AGBL2: variants seen among roughly 807,000 people sequenced by gnomAD.
AGBL2 encodes the protein cytosolic carboxypeptidase 2.
Under a neutral mutation model 103.0 loss-of-function variants are expected in AGBL2, and 87 were observed. The observed-to-expected ratio is 0.84, with a 90% CI of 0.71 to 1.01. The LOEUF is 1.01. AGBL2 is among the 50% of genes least tolerant of loss of function. The pLI, the probability that AGBL2 is intolerant of heterozygous loss-of-function variation, is 0.00. For synonymous variants in AGBL2, 335 were observed against 356.7 expected (o/e 0.94, Z 0.69); for missense variants, 904 against 1,023.5 (o/e 0.88, Z 1.59).
intron 16 of AGBL2, 29 bp downstream of exon 16, chr11:47,667,542 A>G (rs776937327): frequency 6.2e-7 from 1 of 1,611,008 alleles, no homozygotes; most frequent in Non-Finnish European, 8.5e-7. Context: ...GAAACTAGAC[A>G]GTAGAAATAG....
chr11:47,691,729 A>AAAAAAAAATATAT, intron 9 of AGBL2, among the ~76,000 whole-genome samples: 7 of 4,856 alleles, frequency 1.4e-3, no homozygotes, highest in African/African-American at 2.9e-3. Context: ...AAAAAAAAAA[A>AAAAAAAAATATAT]ATATATATAT....
In AGBL2 at chr11:47,677,420, G is replaced by T. The variant is rs747992803; in HGVS notation, c.2017-19C>A. 7.0e-7 allele frequency: 1 copy of T among 1,438,396 alleles called. No homozygotes were observed. The highest frequency in any genetic ancestry group is 1.7e-5 in the South Asian group (1 of 59,386). 89.1% of individuals were successfully genotyped at this position (1,438,396 alleles called of 1,614,324 possible). On this transcript the variant is annotated intron_variant, in intron 13 of 18. Coordinates refer to ENST00000525123, the MANE Select transcript of AGBL2 (RefSeq NM_024783.4). ...GAGTGAACTATGAAAGTGAAAAAAAGAACTATTTTGTTAATTCATTTTATT... is the reference window on the plus strand; with the variant it reads ...GAGTGAACTATGAAAGTGAAAAAAATAACTATTTTGTTAATTCATTTTATT...
intron 4 of AGBL2, among the ~76,000 whole-genome samples, chr11:47,708,413 T>C (rs964965173): frequency 6.6e-6 from 1 of 152,044 alleles, no homozygotes; most frequent in East Asian, 1.9e-4. Context: ...AGCTGTTATA[T>C]GTAAAGGAAA....
intron 17 of AGBL2, 132 bp from the exon 18 acceptor site, chr11:47,663,244 C>A: frequency 4.8e-6 from 3 of 619,702 alleles, no homozygotes; most frequent in South Asian, 2.2e-5. Flanking sequence ...AAAGGACAGG[C>A]AAAACATAAT....
In AGBL2 at chr11:47,710,608, C is replaced by T. The variant is rs1599116375; in HGVS notation, c.98-97G>A. On this transcript the variant is annotated intron_variant, in intron 3 of 18. Transcript: ENST00000525123. ...AACCACTACTCCTTTTATCACCACC[C>T]ACCACCACAGCCCTTTGCAATGAAT... 3.6e-6 allele frequency: 5 copies of T among 1,406,650 alleles called. No individual in the cohort carries two copies. The East Asian group carries it at 1.1e-4, about 32-fold the overall frequency. 87.1% of individuals were successfully genotyped at this position (1,406,650 alleles called of 1,614,324 possible). A position where few individuals can be genotyped will look rare whatever the true frequency, so the allele number is the denominator to read the frequency against.
At chr11:47,714,961 C>T (rs952442230) in intron 1 of AGBL2, 1 of 372,930 alleles carries the variant, frequency 2.7e-6, no homozygotes, top group Non-Finnish European at 5.0e-6. Flanking sequence ...GCTTCCCTTT[C>T]CCTGAGAAAG....
At chr11:47,712,744 A>C (rs1382497557) in intron 3 of AGBL2, among the ~76,000 whole-genome samples, 1 of 152,080 alleles carries the variant, frequency 6.6e-6, no homozygotes, top group Non-Finnish European at 1.5e-5. Flanking sequence ...TGTCTACTAA[A>C]AATACCAAAA....
chr11:47,696,036 A>AAAT (rs1565068979), intron 8 of AGBL2, among the ~76,000 whole-genome samples: 21 of 9,952 alleles, frequency 2.1e-3, no homozygotes, highest in Non-Finnish European at 5.0e-3. Context: ...AAAAAAAAAA[A>AAAT]GAAAAAAAAA....
intron 14 of AGBL2, among the ~76,000 whole-genome samples, chr11:47,675,097 G>T (rs1392469494): frequency 2.6e-5 from 4 of 151,158 alleles, no homozygotes; most frequent in Non-Finnish European, 4.4e-5. Flanking sequence ...CGTCTCAGTC[G>T]CCTTTGCTGG....
chr11:47,662,989 T>A (rs2097331964), intron 18 of AGBL2, 37 bp downstream of exon 18: 1 of 1,431,560 alleles, frequency 7.0e-7, no homozygotes, highest in African/African-American at 1.4e-5. Flanking sequence ...AATTAATCAC[T>A]GGCATATAAG....
intron 7 of AGBL2, among the ~76,000 whole-genome samples, chr11:47,702,426 A>G (rs971075347): frequency 6.6e-6 from 1 of 152,096 alleles, no homozygotes; most frequent in Non-Finnish European, 1.5e-5. Flanking sequence ...GCACTATGCA[A>G]TTGTCTGTTA....
chr11:47,705,676 A>C (rs948308904), intron 5 of AGBL2, 42 bp from the exon 6 acceptor site: 2 of 615,004 alleles, frequency 3.3e-6, no homozygotes, highest in Non-Finnish European at 2.9e-6. Flanking sequence ...AAAAGAAGAA[A>C]GGGAATGAGG....
chr11:47,671,287 G>T (rs1380477954), intron 14 of AGBL2, among the ~76,000 whole-genome samples: 1 of 152,064 alleles, frequency 6.6e-6, no homozygotes, highest in African/African-American at 2.4e-5. Context: ...GGCCGAGATG[G>T]GCAGATCACT....
chr11:47,660,519 C>T (rs2078325165), intron 18 of AGBL2, among the ~76,000 whole-genome samples, 173 bp from the exon 19 acceptor site: 1 of 151,446 alleles, frequency 6.6e-6, no homozygotes, highest in African/African-American at 2.4e-5. Context: ...AGCATTTGTC[C>T]TGGTCCCTTA....
chr11:47,702,506 A>G (rs890670673), intron 7 of AGBL2, among the ~76,000 whole-genome samples: 1 of 152,086 alleles, frequency 6.6e-6, no homozygotes, highest in South Asian at 2.1e-4. Flanking sequence ...CATCACTACT[A>G]TCTCTAGCAC....
rs544738745 is a variant in AGBL2 at position 47,688,493 on chromosome 11, C to T, written c.1631+1583G>A. ...TCAGCTCTTCTTTGTCTCATGATCA[C>T]CCAGGACACCTATTCCAGCTTTCCA... On this transcript the variant is annotated intron_variant, in intron 10 of 18. Coordinates refer to ENST00000525123, the MANE Select transcript of AGBL2 (RefSeq NM_024783.4). Among the ~76,000 whole-genome samples, 11 of 152,218 alleles carry T rather than the reference C, an allele frequency of 7.2e-5. No individual in the cohort carries two copies. In the South Asian group the frequency reaches 2.3e-3, roughly 32 times the overall value.
At chr11:47,664,134 C>T (rs750657095) in intron 17 of AGBL2, among the ~76,000 whole-genome samples, 6 of 152,180 alleles carry the variant, frequency 3.9e-5, no homozygotes, top group African/African-American at 9.6e-5. Context: ...GGATTACAGG[C>T]GTGAGTCACC....
intron 14 of AGBL2, among the ~76,000 whole-genome samples, chr11:47,676,946 A>G (rs2097377751): frequency 6.6e-6 from 1 of 152,060 alleles, no homozygotes; most frequent in Admixed American, 6.6e-5. Flanking sequence ...AAGGCCCTAC[A>G]CAAACTGCCT....
At chr11:47,695,010 T>G (rs1212131721) in intron 8 of AGBL2, among the ~76,000 whole-genome samples, 1 of 150,044 alleles carries the variant, frequency 6.7e-6, no homozygotes, top group Non-Finnish European at 1.5e-5. Context: ...ATTAGCCAGG[T>G]GTGATGGCGG....
Sources: allele counts gnomAD v4.1 joint callset (sites outside exome capture counted in the v4.1 genomes callset), GRCh38; gene constraint gnomAD v4.1.1; transcripts MANE v1.5; gene names NCBI Gene and HGNC (gene_info 2026-07-23, HGNC 2026-07-21).